The following FOCAD variants were observed in gnomAD, a reference collection of about 807,000 sequenced individuals.
FOCAD encodes KIAA1797.
A neutral mutation model predicts 225.6 loss-of-function variants in FOCAD; 198 were observed. That is an observed-to-expected ratio of 0.88 (90% CI 0.78 to 0.99). The LOEUF (loss-of-function observed/expected upper bound fraction) is 0.99, where lower values mean the gene tolerates loss of function less well. Among genes scored for constraint, FOCAD ranks in the 50% least tolerant of loss-of-function variants. The pLI is 0.00. For synonymous variants in FOCAD, 897 were observed against 755.0 expected, an observed-to-expected ratio of 1.19 and a Z score of -3.08; for missense variants, 2,713 against 2,123.6, an observed-to-expected ratio of 1.28 and a Z score of -5.46.
intron 8 of FOCAD, among the ~76,000 whole-genome samples, chr9:20,774,159 G>T (rs1402607878): frequency 6.6e-6 from 1 of 152,184 alleles, no homozygotes; most frequent in African/African-American, 2.4e-5. Flanking sequence ...CAGGTGTGTG[G>T]AAAAATTATC....
chr9:20,885,681 C>T (rs976067819), intron 21 of FOCAD, among the ~76,000 whole-genome samples: 4 of 152,088 alleles, frequency 2.6e-5, no homozygotes, highest in African/African-American at 9.7e-5. Context: ...TTCCTTTCAG[C>T]TACCTTTTAA....
chr9:20,912,219 G>C (rs568761242), intron 22 of FOCAD, among the ~76,000 whole-genome samples: 2 of 152,224 alleles, frequency 1.3e-5, no homozygotes, highest in South Asian at 4.1e-4. Context: ...TGATGGAGTA[G>C]AGGGGGAAGC....
chr9:20,925,470 C>A (rs1407306912), intron 25 of FOCAD, among the ~76,000 whole-genome samples: 1 of 152,212 alleles, frequency 6.6e-6, no homozygotes, highest in Admixed American at 6.5e-5. Context: ...TGCTTTTATT[C>A]ATGATGACCT....
intron 11 of FOCAD, among the ~76,000 whole-genome samples, chr9:20,805,864 C>T (rs1235378046): frequency 6.6e-6 from 1 of 152,126 alleles, no homozygotes; most frequent in East Asian, 1.9e-4. Context: ...GAGATAGAAA[C>T]CCTTTGTCAG....
chr9:20,734,630 A>G (rs1337835727), intron 4 of FOCAD, among the ~76,000 whole-genome samples: 1 of 151,922 alleles, frequency 6.6e-6, no homozygotes, highest in Non-Finnish European at 1.5e-5. Flanking sequence ...AAGATAACAC[A>G]TACAGTATAA....
intron 15 of FOCAD, among the ~76,000 whole-genome samples, chr9:20,837,560 G>A (rs1283089038): frequency 1.3e-5 from 2 of 151,824 alleles, no homozygotes; most frequent in African/African-American, 4.8e-5. Flanking sequence ...TTTTGGGAGG[G>A]GGGTTGGTAA....
At position 20,929,415 on chromosome 9, in the gene FOCAD, G is replaced by T; in HGVS notation, c.3136G>T (p.Ala1046Ser). ...SAIARSAAAT[A>S]LSLLVPVFII... ...CATTGCCCGTTCTGCTGCCGCCACG[G>T]CTTTGTCTCTCCTTGTGCCAGTTTT... Residue 1046 changes from alanine (A) to serine (S), a missense_variant, in exon 27 of 44, where the codon GCT becomes TCT. By Grantham distance (99) the Ala-to-Ser change is moderately conservative (BLOSUM62 1). Coordinates refer to ENST00000338382, the MANE Select transcript of FOCAD (RefSeq NM_001375567.1). The T allele has an allele frequency of 6.2e-7, 1 of 1,614,052 alleles. No homozygotes were observed. The highest frequency in any genetic ancestry group is 2.2e-5 in the East Asian group (1 of 44,876).
At chr9:20,877,699 C>T (rs191991555) in intron 19 of FOCAD, among the ~76,000 whole-genome samples, 3 of 152,272 alleles carry the variant, frequency 2.0e-5, no homozygotes, top group Admixed American at 2.0e-4. Flanking sequence ...ATTCGAAAAC[C>T]TCAAGCTCGA....
At chr9:20,749,483 C>T (rs933344436) in intron 5 of FOCAD, among the ~76,000 whole-genome samples, 1 of 152,046 alleles carries the variant, frequency 6.6e-6, no homozygotes, top group Non-Finnish European at 1.5e-5. Flanking sequence ...GTGGAATCTT[C>T]ATAATTTTTC....
intron 15 of FOCAD, among the ~76,000 whole-genome samples, chr9:20,834,549 A>G (rs1825816733): frequency 2.0e-5 from 3 of 152,048 alleles, no homozygotes; most frequent in African/African-American, 7.3e-5. Flanking sequence ...AGTAGCAGTG[A>G]AAAGGAATGG....
chr9:20,679,911 GT>G (rs1207490019), upstream of FOCAD, among the ~76,000 whole-genome samples: 4 of 152,256 alleles, frequency 2.6e-5, no homozygotes, highest in African/African-American at 9.6e-5. Flanking sequence ...TGATTCTCTT[GT>G]AACCCCTATG....
At chr9:20,929,298 A>AT (rs1835242318) in intron 26 of FOCAD, 60 bp from the exon 27 acceptor site, 1 of 1,317,860 alleles carries the variant, frequency 7.6e-7, no homozygotes, top group Non-Finnish European at 1.1e-6. Flanking sequence ...TGCTTTTATG[A>AT]TAGGTATGCT....
rs1829335197 is a variant in FOCAD, at chr9:20,866,941, G to C, written c.2119G>C (p.Ala707Pro). The C allele has an allele frequency of 1.8e-6, 1 of 569,536 alleles. No individual in the cohort carries two copies. Among genetic ancestry groups the C allele is most frequent in the African/African-American group, 2.6e-5 (1 of 38,802 alleles). The allele number at this position is 569,536 out of a possible 1,614,324, so 35.3% of individuals were successfully genotyped here. The change falls in exon 18 of 44, where the codon GCA becomes CCA. Residue 707 changes from alanine (A) to proline (P), a missense_variant. Transcript: ENST00000338382. ...TTACCCTATCTAGGACCCAATTGTAGCAAATGCTGCATATAGATCCCTGGC... is the reference window on the plus strand; with the variant it reads ...TTACCCTATCTAGGACCCAATTGTACCAAATGCTGCATATAGATCCCTGGC... Reference protein sequence around the residue: ...THTQNKDPIVANAAYRSLANF... With the variant: ...THTQNKDPIVPNAAYRSLANF...
intron 35 of FOCAD, among the ~76,000 whole-genome samples, chr9:20,963,839 T>C (rs535258972): frequency 6.6e-6 from 1 of 152,298 alleles, no homozygotes; most frequent in African/African-American, 2.4e-5. Context: ...TTAACTCCTA[T>C]CACAGCATTT....
At chr9:20,756,254 C>T (rs544019610) in intron 5 of FOCAD, among the ~76,000 whole-genome samples, 71 of 152,126 alleles carry the variant, frequency 4.7e-4, no homozygotes, top group African/African-American at 1.7e-3. Context: ...AAGCAGGAGG[C>T]TGCCAGCATG....
chr9:20,930,096 C>G (rs1255725299), intron 27 of FOCAD, among the ~76,000 whole-genome samples: 3 of 152,110 alleles, frequency 2.0e-5, no homozygotes, highest in Non-Finnish European at 4.4e-5. Flanking sequence ...TTCCTGTGCC[C>G]TGGCCACATT....
At chr9:20,993,048 C>T (rs1841801587) in intron 42 of FOCAD, among the ~76,000 whole-genome samples, 1 of 152,076 alleles carries the variant, frequency 6.6e-6, no homozygotes, top group African/African-American at 2.4e-5. Context: ...TAAATGGGAG[C>T]TGTATCCAAC....
intron 1 of FOCAD, among the ~76,000 whole-genome samples, chr9:20,694,224 A>T (rs905965336): frequency 2.0e-5 from 3 of 152,224 alleles, no homozygotes; most frequent in African/African-American, 7.2e-5. Flanking sequence ...CTAGGGCAGA[A>T]AATTTTCAAA....
intron 1 of FOCAD, among the ~76,000 whole-genome samples, chr9:20,698,821 A>G (rs1350045543): frequency 6.6e-6 from 1 of 152,136 alleles, no homozygotes; most frequent in Non-Finnish European, 1.5e-5. Context: ...TCCTTAGTTT[A>G]TCTTTTAGAT....
Sources: allele counts gnomAD v4.1 joint callset (sites outside exome capture counted in the v4.1 genomes callset), GRCh38; gene constraint gnomAD v4.1.1; transcripts MANE v1.5; gene names NCBI Gene and HGNC (gene_info 2026-07-23, HGNC 2026-07-21).